The following PTPN2 variants were observed in gnomAD, a reference collection of about 807,000 sequenced individuals.
PTPN2 encodes tyrosine-protein phosphatase non-receptor type 2.
In PTPN2, 19 loss-of-function variants were observed where a neutral mutation model predicts 57.3. The observed-to-expected ratio is 0.33, with a 90% CI of 0.23 to 0.49. The LOEUF is 0.49. Among genes scored for constraint, PTPN2 ranks in the 20% least tolerant of loss-of-function variants. PTPN2 has a pLI of 0.99. For synonymous variants in PTPN2, 153 were observed against 164.9 expected, an observed-to-expected ratio of 0.93 and a Z score of 0.55; for missense variants, 358 against 501.1, an observed-to-expected ratio of 0.71 and a Z score of 2.73.
chr18:12,861,128 AC>A (rs1359240231), intron 1 of PTPN2, among the ~76,000 whole-genome samples: 2 of 152,126 alleles, frequency 1.3e-5, no homozygotes, highest in African/African-American at 4.8e-5. Flanking sequence ...GTTTGAGCCA[AC>A]ACCATCAGCC....
At chr18:12,839,141 C>T (rs772994350) in intron 2 of PTPN2, among the ~76,000 whole-genome samples, 14 of 152,072 alleles carry the variant, frequency 9.2e-5, no homozygotes, top group Non-Finnish European at 1.8e-4. Flanking sequence ...CTATCAAAGC[C>T]TCTTTATGAG....
chr18:12,818,461 C>T (rs2042153378), intron 5 of PTPN2, among the ~76,000 whole-genome samples: 1 of 152,156 alleles, frequency 6.6e-6, no homozygotes, highest in Admixed American at 6.5e-5. Flanking sequence ...CTTAAGCCTG[C>T]CTGGTATTCA....
intron 1 of PTPN2, among the ~76,000 whole-genome samples, chr18:12,874,523 G>A (rs1197144526): frequency 6.1e-5 from 6 of 98,420 alleles, no homozygotes; most frequent in East Asian, 3.9e-4. Context: ...CGCCCCGTCC[G>A]GGAGGAAGGT....
chr18:12,879,585 A>C (rs1329004443), intron 1 of PTPN2, among the ~76,000 whole-genome samples: 1 of 152,256 alleles, frequency 6.6e-6, no homozygotes, highest in Non-Finnish European at 1.5e-5. Context: ...ATAAACTCAG[A>C]TTAACAGAGT....
intron 7 of PTPN2, among the ~76,000 whole-genome samples, chr18:12,804,898 C>T (rs1002284411): frequency 3.3e-5 from 5 of 152,108 alleles, no homozygotes; most frequent in Non-Finnish European, 7.4e-5. Flanking sequence ...GATACCAAAA[C>T]CAGACAAGGA....
intron 5 of PTPN2, among the ~76,000 whole-genome samples, chr18:12,822,025 T>A (rs182765369): frequency 7.9e-5 from 12 of 152,214 alleles, no homozygotes; most frequent in Admixed American, 7.2e-4. Context: ...GAGAGATGTA[T>A]TGAACAAGCA....
chr18:12,836,024 T>C (rs2042852300), intron 3 of PTPN2, among the ~76,000 whole-genome samples: 1 of 152,230 alleles, frequency 6.6e-6, no homozygotes, highest in Non-Finnish European at 1.5e-5. Flanking sequence ...TTTTTACTTA[T>C]CAAATATTTT....
intron 1 of PTPN2, among the ~76,000 whole-genome samples, chr18:12,875,171 G>A (rs985448712): frequency 2.0e-5 from 3 of 152,068 alleles, no homozygotes; most frequent in Admixed American, 6.5e-5. Context: ...CAAACACTGC[G>A]GAAGGCCTCA....
rs911806810 is a variant in PTPN2 at position 12,799,253 on chromosome 18, C to T, written c.1040+2717G>A. 1.6e-4 allele frequency among the ~76,000 whole-genome samples: 25 copies of T among 151,960 alleles called. 1 individual carries two copies. The highest frequency in any genetic ancestry group is 6.8e-3 in the Middle Eastern group (2 of 294). On this transcript the variant is annotated intron_variant, in intron 8 of 8. Coordinates refer to ENST00000309660, the MANE Select transcript of PTPN2 (RefSeq NM_002828.4). ...CCAACATGGTGAAACCCTGCCTCTACTAAAAATACAAAAATTAGCTGGGTG... is the reference window on the plus strand; with the variant it reads ...CCAACATGGTGAAACCCTGCCTCTATTAAAAATACAAAAATTAGCTGGGTG...
intron 1 of PTPN2, among the ~76,000 whole-genome samples, chr18:12,872,584 G>A (rs993152643): frequency 5.9e-5 from 9 of 152,258 alleles, no homozygotes; most frequent in East Asian, 5.8e-4. Context: ...CCACCAGCCC[G>A]GCCCCTGAAA....
intron 1 of PTPN2, among the ~76,000 whole-genome samples, chr18:12,866,416 C>T (rs924689515): frequency 6.6e-5 from 10 of 151,526 alleles, no homozygotes; most frequent in Admixed American, 1.3e-4. Flanking sequence ...CCAGCCTAGG[C>T]GACAGAGCCA....
intron 2 of PTPN2, among the ~76,000 whole-genome samples, chr18:12,848,030 T>G (rs892977022): frequency 6.6e-6 from 1 of 152,004 alleles, no homozygotes; most frequent in Non-Finnish European, 1.5e-5. Flanking sequence ...TACACTGACA[T>G]CTGGTCTTTA....
chr18:12,881,910 G>C (rs8085013), intron 1 of PTPN2, among the ~76,000 whole-genome samples: 5,322 of 152,266 alleles, frequency 0.035, 328 homozygotes, highest in African/African-American at 0.12. Flanking sequence ...AGAATCCTCA[G>C]TGTCTAACAC....
At position 12,870,462 on chromosome 18, in the gene PTPN2, T is replaced by TAGAG. The variant is rs762120431; in HGVS notation, c.70-11212_70-11209dup. 5.1e-3 allele frequency among the ~76,000 whole-genome samples: 91 copies of TAGAG among 17,702 alleles called. 2 individuals carry two copies. The highest frequency in any genetic ancestry group is 0.011 in the East Asian group (2 of 186). 11.6% of individuals were successfully genotyped at this position (17,702 alleles called of 152,430 possible). ...ATGTGTATATATATATATATATATA[T>TAGAG]AGAGAGAGAGAGAGAGAGAGAGAGA... On this transcript the variant is annotated intron_variant, in intron 1 of 8. Coordinates refer to ENST00000309660, the MANE Select transcript of PTPN2 (RefSeq NM_002828.4).
rs2145211124 is a variant in PTPN2, at chr18:12,792,436, C to A, written c.*1842G>T. On this transcript the variant is annotated 3_prime_UTR_variant, in exon 9 of 9. Transcript: ENST00000309660. Reference sequence around the variant, plus strand: ...GAGCTGGGACTACAGGCATGCACCACCACGCCCAGATAATTTTTGTATTTT... The same window carrying A: ...GAGCTGGGACTACAGGCATGCACCAACACGCCCAGATAATTTTTGTATTTT... 2 of 159,128 alleles carry A rather than the reference C, an allele frequency of 1.3e-5. No individual in the cohort carries two copies. The highest frequency in any genetic ancestry group is 3.8e-4 in the East Asian group (2 of 5,210). 9.9% of individuals were successfully genotyped at this position (159,128 alleles called of 1,614,324 possible). A position where few individuals can be genotyped will look rare whatever the true frequency, so the allele number is the denominator to read the frequency against.
At chr18:12,869,533 A>G (rs983152740) in intron 1 of PTPN2, among the ~76,000 whole-genome samples, 9 of 139,824 alleles carry the variant, frequency 6.4e-5, no homozygotes, top group African/African-American at 3.4e-5. Flanking sequence ...AATAGTTATA[A>G]TATTTTATTA....
At chr18:12,871,064 T>C (rs974881553) in intron 1 of PTPN2, among the ~76,000 whole-genome samples, 3 of 152,112 alleles carry the variant, frequency 2.0e-5, no homozygotes, top group Non-Finnish European at 4.4e-5. Flanking sequence ...CAAGTATCCA[T>C]CCCACCCTCA....
chr18:12,877,729 C>A (rs758775172), intron 1 of PTPN2, among the ~76,000 whole-genome samples: 7 of 152,144 alleles, frequency 4.6e-5, no homozygotes, highest in African/African-American at 9.7e-5. Flanking sequence ...AGAAAAATGG[C>A]GGCCAGGCGC....
chr18:12,876,549 G>A (rs572878101), intron 1 of PTPN2, among the ~76,000 whole-genome samples: 54 of 152,302 alleles, frequency 3.5e-4, no homozygotes, highest in Non-Finnish European at 5.3e-4. Context: ...CAACTATCTG[G>A]ATTTCCGTAA....
Sources: gnomAD v4.1 joint callset for allele counts (sites outside exome capture counted in the v4.1 genomes callset) on GRCh38, gnomAD v4.1.1 for gene constraint, MANE v1.5 for transcripts, NCBI Gene and HGNC (gene_info 2026-07-23, HGNC 2026-07-21) for gene names.